Variants in DDX4 observed in about 807,000 individuals in gnomAD.
DDX4 encodes probable ATP-dependent RNA helicase DDX4.
In DDX4, 25 loss-of-function variants were observed where a neutral mutation model predicts 100.0. The observed-to-expected ratio is 0.25, with a 90% confidence interval of 0.18 to 0.35. DDX4 has a LOEUF of 0.35. Among genes scored for constraint, DDX4 ranks in the 10% least tolerant of loss-of-function variants. The pLI is 1.00. For missense variants in DDX4, 635 were observed against 882.4 expected, an observed-to-expected ratio of 0.72 and a Z score of 3.55; for synonymous variants, 259 against 275.7, an observed-to-expected ratio of 0.94 and a Z score of 0.60.
chr5:55,766,832 C>CT, intron 6 of DDX4: 17 of 1,399,332 alleles, frequency 1.2e-5, no homozygotes, highest in South Asian at 4.4e-5. Context: ...CCAAATGTGA[C>CT]TTTTTTTGGA....
At chr5:55,741,983 G>A (rs539500962) in intron 2 of DDX4, 30 of 316,646 alleles carry the variant, frequency 9.5e-5, no homozygotes, top group South Asian at 7.8e-4. Flanking sequence ...GTGCTTCTCA[G>A]GAGCTTTATT....
chr5:55,770,620 C>T (rs985088005), intron 7 of DDX4, among the ~76,000 whole-genome samples: 4 of 152,112 alleles, frequency 2.6e-5, no homozygotes, highest in Non-Finnish European at 5.9e-5. Flanking sequence ...TTTTACCGCA[C>T]CTTGGAGACA....
At position 55,763,195 on chromosome 5, in the gene DDX4, C is replaced by T; in HGVS notation, c.226C>T (p.Arg76Ter). Residue 76 changes from arginine to a stop codon, truncating the protein, a stop_gained, in exon 5 of 22, where the codon CGA becomes TGA. Transcript: ENST00000505374. LOFTEE classifies it high-confidence loss of function. Reference sequence around the variant, plus strand: ...TTCAGATGCTGGTGAGTGTAATAAGCGAGATAATACATCCACAATGGGTGG... The same window carrying T: ...TTCAGATGCTGGTGAGTGTAATAAGTGAGATAATACATCCACAATGGGTGG... The part of the protein sequence containing the change: ...GNRDAGECNK[R>*]DNTSTMGGFG... 6.2e-7 allele frequency: 1 copy of T among 1,611,318 alleles called. No individual in the cohort carries two copies. Among genetic ancestry groups the T allele is most frequent in the Non-Finnish European group, 8.5e-7 (1 of 1,177,910 alleles).
At chr5:55,739,914 A>T (rs940445874) in intron 2 of DDX4, among the ~76,000 whole-genome samples, 12 of 151,966 alleles carry the variant, frequency 7.9e-5, no homozygotes, top group African/African-American at 2.9e-4. Context: ...TTATTTTTTA[A>T]AATTTTTGTA....
At chr5:55,768,300 A>G (rs1332440828) in intron 7 of DDX4, among the ~76,000 whole-genome samples, 3 of 152,200 alleles carry the variant, frequency 2.0e-5, no homozygotes, top group South Asian at 4.1e-4. Flanking sequence ...ACCCTAAAGT[A>G]GGCCCCAGTG....
intron 6 of DDX4, 48 bp from the exon 7 acceptor site, chr5:55,767,833 T>C: frequency 1.4e-6 from 2 of 1,385,070 alleles, no homozygotes; most frequent in Non-Finnish European, 2.0e-6. Flanking sequence ...ATATATTGCA[T>C]CATTTAAGTT....
rs1415952533 is a variant in DDX4, at chr5:55,816,726, A to T, written c.*186A>T. ...GAGATGCTAAAACTTACAACATTGCAGTTACTGATACAAATGGTGTTAACT... is the reference window on the plus strand; with the variant it reads ...GAGATGCTAAAACTTACAACATTGCTGTTACTGATACAAATGGTGTTAACT... On this transcript the variant is annotated 3_prime_UTR_variant, in exon 22 of 22. Coordinates refer to ENST00000505374, the MANE Select transcript of DDX4 (RefSeq NM_024415.3). 2 of 954,892 alleles carry T rather than the reference A, an allele frequency of 2.1e-6. No homozygotes were observed. The highest frequency in any genetic ancestry group is 2.9e-6 in the Non-Finnish European group (2 of 680,586). The allele number at this position is 954,892 out of a possible 1,614,324, so 59.2% of individuals were successfully genotyped here.
chr5:55,812,280 G>A (rs1325303165), intron 18 of DDX4, among the ~76,000 whole-genome samples: 1 of 152,082 alleles, frequency 6.6e-6, no homozygotes, highest in East Asian at 1.9e-4. Context: ...CTTCCGTAGG[G>A]GCCGGGCGCG....
chr5:55,795,038 T>C (rs1438625071), intron 17 of DDX4, among the ~76,000 whole-genome samples: 1 of 150,878 alleles, frequency 6.6e-6, no homozygotes, highest in Non-Finnish European at 1.5e-5. Flanking sequence ...CGATCTCGGC[T>C]CACCGCAACC....
intron 7 of DDX4, among the ~76,000 whole-genome samples, chr5:55,776,868 A>AT (rs1194787808): frequency 6.6e-6 from 1 of 152,250 alleles, no homozygotes; most frequent in Non-Finnish European, 1.5e-5. Flanking sequence ...GTAAACTTAA[A>AT]TAAGTATTGA....
At chr5:55,746,352 T>C in intron 3 of DDX4, 131 bp downstream of exon 3, 1 of 654,552 alleles carries the variant, frequency 1.5e-6, no homozygotes, top group Non-Finnish European at 2.5e-6. Context: ...TTCCTTCTGA[T>C]TTGGATATTG....
At chr5:55,786,027 T>G (rs959338197) in intron 13 of DDX4, among the ~76,000 whole-genome samples, 156 bp downstream of exon 13, 1 of 152,218 alleles carries the variant, frequency 6.6e-6, no homozygotes, top group African/African-American at 2.4e-5. Context: ...CCATCTATAA[T>G]AGAATTAATT....
At chr5:55,808,009 G>C (rs1001575774) in intron 18 of DDX4, among the ~76,000 whole-genome samples, 1 of 152,234 alleles carries the variant, frequency 6.6e-6, no homozygotes, top group African/African-American at 2.4e-5. Flanking sequence ...TGGAGGCTTT[G>C]TTCGTTTCTT....
Position 55,792,665 on chromosome 5 carries a change from T to A in DDX4, c.1327T>A (p.Leu443Ile). ...EKIGLKQIKY[L>I]VLDEADRMLD... Reference sequence around the variant, plus strand: ...GATTGGTCTCAAACAGATCAAATACTTAGTTTTGGATGAAGCTGATCGCAT... The same window carrying A: ...GATTGGTCTCAAACAGATCAAATACATAGTTTTGGATGAAGCTGATCGCAT... Residue 443 changes from leucine (L) to isoleucine (I), a missense_variant, in exon 17 of 22, where the codon TTA becomes ATA. This residue lies in a region of DDX4 where 446 missense variants were observed against 540.8 expected (regional missense o/e 0.82). Transcript: ENST00000505374. The A allele has an allele frequency of 6.3e-7, 1 of 1,589,146 alleles. No homozygotes were observed. Among genetic ancestry groups the A allele is most frequent in the Non-Finnish European group, 8.6e-7 (1 of 1,165,968 alleles).
Position 55,813,669 on chromosome 5 carries a change from G to A in DDX4, c.1616-4G>A. ...TGAATATTAATAATTTCATTGTCTT[G>A]TAGGGGATGAAAGAACTATGGTCTT... On this transcript the variant is annotated splice_region_variant and splice_polypyrimidine_tract_variant and intron_variant, in intron 18 of 21. Coordinates refer to ENST00000505374, the MANE Select transcript of DDX4 (RefSeq NM_024415.3). 1.3e-6 allele frequency: 2 copies of A among 1,575,018 alleles called. No individual in the cohort carries two copies. Among genetic ancestry groups the A allele is most frequent in the Non-Finnish European group, 1.7e-6 (2 of 1,165,472 alleles).
intron 15 of DDX4, among the ~76,000 whole-genome samples, chr5:55,788,228 G>A (rs999081564): frequency 6.6e-6 from 1 of 152,092 alleles, no homozygotes. Context: ...TAATCCCAGT[G>A]CTTTGTGAGG....
chr5:55,786,694 A>G (rs1742268901), intron 14 of DDX4, 24 bp downstream of exon 14: 4 of 1,601,614 alleles, frequency 2.5e-6, no homozygotes, highest in Admixed American at 1.7e-5. Flanking sequence ...CACATGTCCA[A>G]ACTGTTAGGT....
chr5:55,738,519 G>A (rs1427630929), intron 1 of DDX4, among the ~76,000 whole-genome samples: 1 of 149,256 alleles, frequency 6.7e-6, no homozygotes, highest in African/African-American at 2.5e-5. Context: ...CCCCACGCAC[G>A]CCACAAACAC....
intron 16 of DDX4, 56 bp from the exon 17 acceptor site, chr5:55,792,585 A>G (rs939759262): frequency 1.1e-6 from 1 of 890,404 alleles, no homozygotes; most frequent in African/African-American, 1.8e-5. Flanking sequence ...TGTAGAGAAT[A>G]GTTTAATATA....
Sources: allele counts gnomAD v4.1 joint callset (sites outside exome capture counted in the v4.1 genomes callset), GRCh38; gene constraint gnomAD v4.1.1; regional missense constraint gnomAD v4.1.1; transcripts MANE v1.5; gene names NCBI Gene and HGNC (gene_info 2026-07-23, HGNC 2026-07-21).